Variants in TBX19 observed in about 807,000 individuals in gnomAD.
The protein encoded by TBX19 is T-box transcription factor TBX19.
A neutral mutation model predicts 40.9 loss-of-function variants in TBX19; 33 were observed. The ratio of observed to expected loss-of-function variants is 0.81; its 90% CI spans 0.61 to 1.08. TBX19 has a LOEUF of 1.08. Among genes scored for constraint, TBX19 ranks in the 50% least tolerant of loss-of-function variants. The pLI is 0.00. For missense variants in TBX19, 494 were observed against 574.0 expected, an observed-to-expected ratio of 0.86 and a Z score of 1.42; for synonymous variants, 220 against 225.0, an observed-to-expected ratio of 0.98 and a Z score of 0.20.
chr1:168,296,647 TA>T (rs1649110834), intron 3 of TBX19, among the ~76,000 whole-genome samples: 1 of 152,158 alleles, frequency 6.6e-6, no homozygotes. Flanking sequence ...GGTAGGGACA[TA>T]GCCAAACCAT....
rs754922503 is a variant in TBX19, at chr1:168,293,204, G to T, written c.529G>T (p.Ala177Ser). Residue 177 changes from alanine to serine, a missense_variant, in exon 3 of 8, where the codon GCC (alanine) becomes TCC (serine). Around this residue, in one of 3 missense-constraint regions of TBX19, gnomAD observed 201 missense variants for 235.2 expected, o/e 0.85. Transcript: ENST00000367821. ...GGTTCACATAGTGCGTGTTGGAAGT[G>T]CCCATCGAATGGTAACAAACTGCTC... ...PQVHIVRVGSAHRMVTNCSFP... is the reference protein window; with the variant it reads ...PQVHIVRVGSSHRMVTNCSFP... 2 of 1,613,836 alleles carry T rather than the reference G, an allele frequency of 1.2e-6. No individual in the cohort carries two copies. Among genetic ancestry groups the T allele is most frequent in the East Asian group, 2.2e-5 (1 of 44,884 alleles).
chr1:168,292,615 A>G (rs745383515), intron 2 of TBX19, among the ~76,000 whole-genome samples: 4 of 152,226 alleles, frequency 2.6e-5, no homozygotes, highest in Non-Finnish European at 5.9e-5. Context: ...CTGTAATCCC[A>G]GCACTTTGGG....
chr1:168,292,226 A>G (rs973765745), intron 2 of TBX19, among the ~76,000 whole-genome samples: 1 of 152,320 alleles, frequency 6.6e-6, no homozygotes, highest in African/African-American at 2.4e-5. Flanking sequence ...TCATGTGTCC[A>G]GAGGTAACAC....
At chr1:168,301,512 C>T (rs557179964) in intron 5 of TBX19, among the ~76,000 whole-genome samples, 2 of 152,142 alleles carry the variant, frequency 1.3e-5, no homozygotes, top group East Asian at 1.9e-4. Flanking sequence ...CCGCCTGCCT[C>T]GACCTCCCAA....
chr1:168,293,519 C>G (rs372259605), intron 3 of TBX19, among the ~76,000 whole-genome samples: 2 of 152,156 alleles, frequency 1.3e-5, no homozygotes, highest in African/African-American at 4.8e-5. Flanking sequence ...CACAGCTGTG[C>G]ATTGTCATGA....
At chr1:168,300,069 G>A (rs751380106) in intron 4 of TBX19, among the ~76,000 whole-genome samples, 8 of 152,108 alleles carry the variant, frequency 5.3e-5, no homozygotes, top group Admixed American at 6.5e-5. Flanking sequence ...GGTCATTGGT[G>A]GATCTAGCAT....
intron 5 of TBX19, among the ~76,000 whole-genome samples, chr1:168,302,196 G>A (rs151073120): frequency 2.0e-5 from 3 of 152,266 alleles, no homozygotes; most frequent in African/African-American, 4.8e-5. Flanking sequence ...GGTTTTGCCC[G>A]CTGGGTGCAT....
Position 168,300,500 on chromosome 1 carries a change from T to C in TBX19, c.727+17T>C. 6.2e-7 allele frequency: 1 copy of C among 1,613,750 alleles called. No individual in the cohort carries two copies. The highest frequency in any genetic ancestry group is 8.5e-7 in the Non-Finnish European group (1 of 1,179,780). ...ATTCTCACTGTGAGTTGGGTGTACA[T>C]GAGGCGGGAGGTGCGTGGGGCTGTA... On this transcript the variant is annotated intron_variant, in intron 5 of 7. Coordinates refer to ENST00000367821, the MANE Select transcript of TBX19 (RefSeq NM_005149.3).
intron 3 of TBX19, among the ~76,000 whole-genome samples, chr1:168,297,293 T>G (rs1286809634): frequency 6.6e-6 from 1 of 152,222 alleles, no homozygotes; most frequent in Non-Finnish European, 1.5e-5. Flanking sequence ...GGATCACACC[T>G]GTGCTGCTCT....
rs200101120 is a variant in TBX19, at chr1:168,308,924, A to G, written c.1052+47A>G. The G allele has an allele frequency of 1.7e-5, 27 of 1,613,606 alleles. No individual in the cohort carries two copies. The East Asian group carries it at 5.6e-4, about 33-fold the overall frequency. On this transcript the variant is annotated intron_variant, in intron 7 of 7. Transcript: ENST00000367821. The stretch of plus-strand genomic sequence containing the variant: ...CGCTCATTGGTCGTCTTGGGGGTTT[A>G]CTTTAGCACTGGGGACTCAAGTTCA...
intron 4 of TBX19, among the ~76,000 whole-genome samples, chr1:168,299,062 C>G (rs1216628187): frequency 6.6e-6 from 1 of 150,528 alleles, no homozygotes; most frequent in Non-Finnish European, 1.5e-5. Context: ...TACAGGTGGC[C>G]ACCACCATGC....
rs1225447033 is a variant in TBX19, at chr1:168,305,195, A to G, written c.915A>G (p.Ser305=). The change falls in exon 6 of 8, where the codon TCA becomes TCG. Residue 305 remains serine (S), a splice_region_variant and synonymous_variant. Transcript: ENST00000367821. ...SAYMHRNHSP[S]VNLIESSSNN... ...ACATGCACAGAAACCATTCTCCCTC[A>G]GGTCTGTGACTCTGCTGATTAAACC... 1 of 1,610,204 alleles carries G rather than the reference A, an allele frequency of 6.2e-7. No homozygotes were observed. The highest frequency in any genetic ancestry group is 1.3e-5 in the African/African-American group (1 of 74,862).
chr1:168,286,541 A>G (rs1648808822), intron 1 of TBX19, among the ~76,000 whole-genome samples: 2 of 152,264 alleles, frequency 1.3e-5, no homozygotes, highest in Non-Finnish European at 2.9e-5. Flanking sequence ...AGGTTCATCA[A>G]TGTTGTAGCA....
chr1:168,283,810 T>G (rs531632647), intron 1 of TBX19, among the ~76,000 whole-genome samples: 3 of 152,316 alleles, frequency 2.0e-5, no homozygotes, highest in African/African-American at 7.2e-5. Flanking sequence ...ATTGTCACCT[T>G]GACTTTTTAA....
At chr1:168,293,328 A>C (rs777383211) in intron 3 of TBX19, 50 bp downstream of exon 3, 5 of 1,251,160 alleles carry the variant, frequency 4.0e-6, no homozygotes, top group African/African-American at 3.7e-5. Flanking sequence ...TGTGTGTGTA[A>C]CTGTCACCTG....
chr1:168,291,237 T>G lies in TBX19; in HGVS notation c.281T>G (p.Val94Gly), dbSNP rs1436922509. ...NAMYSLLLDF[V>G]PTDSHRWKYV... ...ATGTACTCCCTCCTGCTGGACTTTG[T>G]CCCTACGGACAGTCACCGCTGGAAG... is the stretch of plus-strand genomic sequence containing the variant. The change falls in exon 2 of 8, where the codon GTC becomes GGC. Residue 94 changes from valine to glycine, a missense_variant. Val to Gly is a moderately radical substitution (Grantham distance 109). Around this residue, in one of 3 missense-constraint regions of TBX19, gnomAD observed 201 missense variants for 235.2 expected, o/e 0.85. Transcript: ENST00000367821. The G allele has an allele frequency of 6.2e-7, 1 of 1,614,216 alleles. No homozygotes were observed. The highest frequency in any genetic ancestry group is 1.1e-5 in the South Asian group (1 of 91,082).
rs1649567191 is a variant in TBX19 at position 168,313,146 on chromosome 1, C to T, written c.*144C>T. ...GAGGTGGGTTATTACAGAAGTCATA[C>T]TGGGAGAGGGTTCAGTTTGGATGAT... On this transcript the variant is annotated 3_prime_UTR_variant, in exon 8 of 8. Transcript: ENST00000367821. The T allele has an allele frequency of 2.0e-6, 2 of 995,906 alleles. No homozygotes were observed. The highest frequency in any genetic ancestry group is 1.6e-5 in the African/African-American group (1 of 62,458). 61.7% of individuals were successfully genotyped at this position (995,906 alleles called of 1,614,324 possible).
chr1:168,293,281 A>G lies in TBX19; in HGVS notation c.603+3A>G, dbSNP rs1648993780. ...TGACTGCCTATCAGAATGAGGAGGT[A>G]AGAGTGTGTGTGTGTGTGTGTGTGT... On this transcript the variant is annotated splice_donor_region_variant and intron_variant, in intron 3 of 7. Coordinates refer to ENST00000367821, the MANE Select transcript of TBX19 (RefSeq NM_005149.3). 1.4e-6 allele frequency: 2 copies of G among 1,427,552 alleles called. No individual in the cohort carries two copies. The highest frequency in any genetic ancestry group is 3.1e-5 in the East Asian group (1 of 32,642). 88.4% of individuals were successfully genotyped at this position (1,427,552 alleles called of 1,614,324 possible).
chr1:168,293,419 A>T, intron 3 of TBX19, 141 bp downstream of exon 3: 1 of 1,144,270 alleles, frequency 8.7e-7, no homozygotes. Context: ...CTCAGCAGAC[A>T]TGAAGTTAAA....
Sources: gnomAD v4.1 joint callset for allele counts (sites outside exome capture counted in the v4.1 genomes callset) on GRCh38, gnomAD v4.1.1 for gene constraint, gnomAD v4.1.1 regional missense constraint, MANE v1.5 for transcripts, NCBI Gene and HGNC (gene_info 2026-07-23, HGNC 2026-07-21) for gene names.